ACLY: variants seen among roughly 807,000 people sequenced by gnomAD.
ACLY encodes the protein ATP citrate lyase.
A neutral mutation model predicts 133.0 loss-of-function variants in ACLY; 41 were observed. The ratio of observed to expected loss-of-function variants is 0.31; its 90% CI spans 0.24 to 0.40. The LOEUF is 0.40. ACLY is among the 10% of genes least tolerant of loss of function. The pLI, the probability that ACLY is intolerant of heterozygous loss-of-function variation, is 1.00. For missense variants in ACLY, 1,046 were observed against 1,453.8 expected, an observed-to-expected ratio of 0.72 and a Z score of 4.56; for synonymous variants, 495 against 549.3, an observed-to-expected ratio of 0.90 and a Z score of 1.38.
At chr17:41,880,716 A>G (rs1170120731) in intron 20 of ACLY, among the ~76,000 whole-genome samples, 1 of 151,978 alleles carries the variant, frequency 6.6e-6, no homozygotes, top group Non-Finnish European at 1.5e-5. Context: ...TACAAAAAAA[A>G]TTAGCCGAGT....
intron 25 of ACLY, among the ~76,000 whole-genome samples, chr17:41,871,351 CT>C (rs550568825): frequency 0.065 from 9,093 of 139,150 alleles, 263 homozygotes; most frequent in East Asian, 0.1. Context: ...ATCCATCCCA[CT>C]TTTTTTTTTT....
chr17:41,904,440 A>C (rs1245743790), intron 10 of ACLY: 1 of 405,556 alleles, frequency 2.5e-6, no homozygotes, highest in Non-Finnish European at 4.5e-6. Flanking sequence ...CCAGTGCTCC[A>C]AAGCATTGGT....
intron 2 of ACLY, 88 bp downstream of exon 2, chr17:41,913,627 C>A (rs554941882): frequency 1.4e-6 from 2 of 1,423,850 alleles, no homozygotes; most frequent in South Asian, 1.3e-5. Context: ...AACCCCATGA[C>A]CCTATCGGCA....
chr17:41,899,681 G>A (rs1269322991), intron 11 of ACLY, among the ~76,000 whole-genome samples: 2 of 152,126 alleles, frequency 1.3e-5, no homozygotes, highest in African/African-American at 4.8e-5. Flanking sequence ...TTAAGAGCAT[G>A]ATCTGGTAAC....
intron 16 of ACLY, 97 bp from the exon 17 acceptor site, chr17:41,887,800 C>T: frequency 2.1e-6 from 2 of 975,074 alleles, no homozygotes; most frequent in Non-Finnish European, 3.3e-6. Flanking sequence ...TCCACATGTC[C>T]TCTTCCAGGG....
chr17:41,874,022 C>T, intron 22 of ACLY, 57 bp from the exon 23 acceptor site: 1 of 1,512,358 alleles, frequency 6.6e-7, no homozygotes, highest in East Asian at 2.4e-5. Flanking sequence ...CAGATTTTTC[C>T]AGGACTGCCC....
intron 10 of ACLY, among the ~76,000 whole-genome samples, chr17:41,903,775 A>G (rs2049607862): frequency 6.7e-6 from 1 of 150,216 alleles, no homozygotes; most frequent in Non-Finnish European, 1.5e-5. Context: ...AAAAAAAAAA[A>G]AAAAAAAAAA....
chr17:41,919,065 T>C (rs916074074), upstream of ACLY: 14 of 1,250,420 alleles, frequency 1.1e-5, no homozygotes, highest in African/African-American at 1.7e-4. Context: ...TTCCCTAGCC[T>C]GAGCGCCAGG....
chr17:41,891,093 G>A (rs1417479770), intron 16 of ACLY, among the ~76,000 whole-genome samples: 1 of 152,122 alleles, frequency 6.6e-6, no homozygotes, highest in Non-Finnish European at 1.5e-5. Flanking sequence ...GGAGTGCAAT[G>A]GCATGATAAC....
intron 1 of ACLY, among the ~76,000 whole-genome samples, chr17:41,926,183 T>C (rs570482685): frequency 6.6e-6 from 1 of 152,192 alleles, no homozygotes; most frequent in South Asian, 2.1e-4. Flanking sequence ...TATTTCACAA[T>C]AAAAGAAGAA....
intron 18 of ACLY, among the ~76,000 whole-genome samples, chr17:41,885,565 G>C (rs1308629638): frequency 6.6e-6 from 1 of 152,142 alleles, no homozygotes; most frequent in South Asian, 2.1e-4. Flanking sequence ...AAATAATGAG[G>C]ATACTATTAT....
At chr17:41,899,291 C>A (rs368302042) in intron 11 of ACLY, among the ~76,000 whole-genome samples, 4 of 151,276 alleles carry the variant, frequency 2.6e-5, no homozygotes, top group Admixed American at 2.0e-4. Flanking sequence ...AAAAAAAAAA[C>A]CACATAAGAA....
At chr17:41,907,610 C>T (rs782192897) in intron 6 of ACLY, 38 bp from the exon 7 acceptor site, 1 of 1,606,644 alleles carries the variant, frequency 6.2e-7, no homozygotes, top group South Asian at 1.1e-5. Context: ...GACACCGGCT[C>T]TGGGTAGAGA....
In ACLY at chr17:41,867,251, G is replaced by C. The variant is rs1396611580; in HGVS notation, c.*559C>G. ...TAAACAGACTCTGGTCTGCAACACA[G>C]AACATTTCAGTGGGATACCAAACAA... On this transcript the variant is annotated 3_prime_UTR_variant, in exon 29 of 29. Transcript: ENST00000352035. The C allele has an allele frequency of 1.3e-5, 2 of 152,108 alleles. No homozygotes were observed. Among genetic ancestry groups the C allele is most frequent in the Admixed American group, 6.6e-5 (1 of 15,204 alleles). 9.4% of individuals were successfully genotyped at this position (152,108 alleles called of 1,614,324 possible).
chr17:41,895,921 G>A (rs1208427088), intron 14 of ACLY, among the ~76,000 whole-genome samples: 1 of 152,152 alleles, frequency 6.6e-6, no homozygotes, highest in East Asian at 1.9e-4. Flanking sequence ...ACTCAGCTAG[G>A]CTGGTGGGTG....
intron 20 of ACLY, among the ~76,000 whole-genome samples, chr17:41,881,438 AAAG>A (rs1255367225): frequency 1.6e-4 from 25 of 151,656 alleles, no homozygotes; most frequent in African/African-American, 5.8e-4. Context: ...AAAAAAAAAA[AAAG>A]GAGAATCAGG....
At chr17:41,886,474 C>T (rs537798735) in intron 17 of ACLY, among the ~76,000 whole-genome samples, 166 bp from the exon 18 acceptor site, 23 of 152,122 alleles carry the variant, frequency 1.5e-4, no homozygotes, top group Non-Finnish European at 2.1e-4. Context: ...GGAAAGTCTC[C>T]TCTCTCTCTC....
intron 2 of ACLY, 46 bp downstream of exon 2, chr17:41,913,669 A>C (rs1421028576): frequency 5.6e-6 from 9 of 1,595,874 alleles, no homozygotes; most frequent in Middle Eastern, 3.6e-4. Context: ...TCTCTTCCTC[A>C]GACCCCGGGC....
At chr17:41,870,944 C>G (rs1292425472) in intron 25 of ACLY, among the ~76,000 whole-genome samples, 2 of 152,232 alleles carry the variant, frequency 1.3e-5, no homozygotes, top group Admixed American at 6.5e-5. Flanking sequence ...AGAGAACAGG[C>G]ACAGCAAACC....
Sources: gnomAD v4.1 joint callset for allele counts (sites outside exome capture counted in the v4.1 genomes callset) on GRCh38, gnomAD v4.1.1 for gene constraint, MANE v1.5 for transcripts, NCBI Gene and HGNC (gene_info 2026-07-23, HGNC 2026-07-21) for gene names.